Variants in POGLUT1 observed in about 807,000 individuals in gnomAD.
POGLUT1 encodes the protein 9630046K23Rik.
In POGLUT1, 32 loss-of-function variants were observed where a neutral mutation model predicts 61.3. The ratio of observed to expected loss-of-function variants is 0.52; its 90% CI spans 0.39 to 0.70. The LOEUF (loss-of-function observed/expected upper bound fraction) is 0.70, where lower values mean the gene tolerates loss of function less well. POGLUT1 is among the 30% of genes least tolerant of loss of function. The pLI is 0.00. For missense variants in POGLUT1, 411 were observed against 469.8 expected (o/e 0.87, Z 1.16); for synonymous variants, 158 against 158.2 (o/e 1.00, Z 0.01).
At chr3:119,476,623 CT>C (rs1170306995) in intron 3 of POGLUT1, among the ~76,000 whole-genome samples, 1 of 152,178 alleles carries the variant, frequency 6.6e-6, no homozygotes, top group Admixed American at 6.6e-5. Context: ...AATATTGCCC[CT>C]AGCATAGTGC....
chr3:119,471,710 G>C, intron 3 of POGLUT1: 1 of 438,720 alleles, frequency 2.3e-6, no homozygotes, highest in Non-Finnish European at 4.2e-6. Context: ...CCTTCCCTGG[G>C]ATATAGTAGC....
At chr3:119,470,069 G>C (rs2081452563) in intron 2 of POGLUT1, among the ~76,000 whole-genome samples, 159 bp downstream of exon 2, 1 of 152,172 alleles carries the variant, frequency 6.6e-6, no homozygotes, top group Admixed American at 6.5e-5. Context: ...GGCTCAGGTG[G>C]TGTCAACCTA....
At chr3:119,477,226 C>G in intron 3 of POGLUT1, 87 bp from the exon 4 acceptor site, 1 of 1,309,756 alleles carries the variant, frequency 7.6e-7, no homozygotes, top group Non-Finnish European at 1.1e-6. Context: ...ACTGGCTTGT[C>G]TTACTTTAAA....
chr3:119,484,020 A>G (rs952153733), intron 5 of POGLUT1, among the ~76,000 whole-genome samples: 2 of 152,182 alleles, frequency 1.3e-5, no homozygotes, highest in African/African-American at 4.8e-5. Context: ...GGAGCATGAA[A>G]CATTTTCCAC....
In POGLUT1 at chr3:119,486,897, G is replaced by A; in HGVS notation, c.703G>A (p.Glu235Lys). The change falls in exon 7 of 11, where the codon GAA becomes AAA. Residue 235 changes from glutamate (E) to lysine (K), a missense_variant. Coordinates refer to ENST00000295588, the MANE Select transcript of POGLUT1 (RefSeq NM_152305.3). ...GAAAAACCCAAAACTTGTTGATGCA[G>A]AATACACCAAAAACCAGGCCTGGAA... The part of the protein sequence containing the change: ...SRKNPKLVDA[E>K]YTKNQAWKSM... The A allele has an allele frequency of 6.2e-7, 1 of 1,613,418 alleles. No individual in the cohort carries two copies. The highest frequency in any genetic ancestry group is 1.1e-5 in the South Asian group (1 of 91,058).
At chr3:119,477,175 A>G (rs1045293088) in intron 3 of POGLUT1, 138 bp from the exon 4 acceptor site, 21 of 803,376 alleles carry the variant, frequency 2.6e-5, no homozygotes, top group Non-Finnish European at 4.3e-5. Context: ...CATTGTTTTC[A>G]GGAGACTTTG....
intron 5 of POGLUT1, 44 bp downstream of exon 5, chr3:119,480,216 T>C: frequency 6.8e-7 from 1 of 1,465,796 alleles, no homozygotes; most frequent in South Asian, 1.3e-5. Flanking sequence ...TTCTGGGTTT[T>C]CTTGAAATAA....
At position 119,469,003 on chromosome 3, in the gene POGLUT1, T is replaced by C. The variant is rs753825715; in HGVS notation, c.-19T>C. The C allele has an allele frequency of 3.7e-5, 59 of 1,600,610 alleles. No homozygotes were observed. Among genetic ancestry groups the C allele is most frequent in the Non-Finnish European group, 4.9e-5 (58 of 1,174,302 alleles). ...TCCGCCAGCGCCGCAGCGGGGAATCTGCAGTAGGTCTGCCGGCGATGGAGT... is the reference window on the plus strand; with the variant it reads ...TCCGCCAGCGCCGCAGCGGGGAATCCGCAGTAGGTCTGCCGGCGATGGAGT... On this transcript the variant is annotated 5_prime_UTR_variant, in exon 1 of 11. Transcript: ENST00000295588.
At chr3:119,481,697 C>A (rs958701013) in intron 5 of POGLUT1, among the ~76,000 whole-genome samples, 2 of 152,082 alleles carry the variant, frequency 1.3e-5, no homozygotes, top group Non-Finnish European at 2.9e-5. Flanking sequence ...TTTGTCCAGC[C>A]CTTTATTTCA....
chr3:119,476,995 G>A (rs187921785), intron 3 of POGLUT1, among the ~76,000 whole-genome samples: 1 of 152,216 alleles, frequency 6.6e-6, no homozygotes, highest in East Asian at 1.9e-4. Context: ...TTCCATATAA[G>A]GGAAATAAAG....
Position 119,492,543 on chromosome 3 carries a change from C to T in POGLUT1, c.*105C>T, listed in dbSNP as rs915230354. ...CACCTATACCTTGAATATCTGCTAT[C>T]AAGCCAAATACCTGGTTTTCCTTAT... On this transcript the variant is annotated 3_prime_UTR_variant, in exon 11 of 11. Transcript: ENST00000295588. 3 of 637,614 alleles carry T rather than the reference C, an allele frequency of 4.7e-6. No individual in the cohort carries two copies. The highest frequency in any genetic ancestry group is 7.6e-6 in the Non-Finnish European group (3 of 392,520). 39.5% of individuals were successfully genotyped at this position (637,614 alleles called of 1,614,324 possible).
intron 9 of POGLUT1, among the ~76,000 whole-genome samples, 187 bp downstream of exon 9, chr3:119,490,905 A>G (rs2081736541): frequency 1.3e-5 from 2 of 152,162 alleles, no homozygotes. Flanking sequence ...TATAAGTGGA[A>G]TTTAATTTGA....
chr3:119,487,628 T>G (rs2081682674), intron 7 of POGLUT1, among the ~76,000 whole-genome samples: 1 of 152,066 alleles, frequency 6.6e-6, no homozygotes, highest in African/African-American at 2.4e-5. Context: ...AAATAAAAAC[T>G]TTATGGGCAC....
intron 6 of POGLUT1, among the ~76,000 whole-genome samples, chr3:119,485,672 A>G (rs2081656446): frequency 6.6e-6 from 1 of 152,236 alleles, no homozygotes; most frequent in Non-Finnish European, 1.5e-5. Flanking sequence ...GATGCCAAAC[A>G]CAACAGATGG....
At chr3:119,480,030 A>AC in intron 4 of POGLUT1, 21 bp from the exon 5 acceptor site, 1 of 1,612,644 alleles carries the variant, frequency 6.2e-7, no homozygotes. Flanking sequence ...ATTTAGGACG[A>AC]CCTGTCTGTT....
At chr3:119,479,385 G>A (rs2081580832) in intron 4 of POGLUT1, among the ~76,000 whole-genome samples, 2 of 152,196 alleles carry the variant, frequency 1.3e-5, no homozygotes, top group Non-Finnish European at 2.9e-5. Context: ...TATTTATCAA[G>A]TATGTACAAT....
At chr3:119,486,627 A>G (rs1271787555) in intron 6 of POGLUT1, among the ~76,000 whole-genome samples, 1 of 152,042 alleles carries the variant, frequency 6.6e-6, no homozygotes, top group East Asian at 1.9e-4. Context: ...AGTACCCCCC[A>G]ACCCTAAAGG....
At chr3:119,492,237 T>C in intron 10 of POGLUT1, 45 bp from the exon 11 acceptor site, 1 of 1,474,876 alleles carries the variant, frequency 6.8e-7, no homozygotes, top group Non-Finnish European at 9.3e-7. Context: ...GCTATTATCA[T>C]TAAATTCTGT....
intron 5 of POGLUT1, among the ~76,000 whole-genome samples, chr3:119,481,894 A>AG (rs1322745549): frequency 4.6e-5 from 7 of 151,840 alleles, no homozygotes; most frequent in Admixed American, 6.6e-5. Context: ...TAATTTTGAG[A>AG]GGGGGGGAAA....
Sources: gnomAD v4.1 joint callset for allele counts (sites outside exome capture counted in the v4.1 genomes callset) on GRCh38, gnomAD v4.1.1 for gene constraint, MANE v1.5 for transcripts, NCBI Gene and HGNC (gene_info 2026-07-23, HGNC 2026-07-21) for gene names.